Variants in HMGCLL1 observed in about 807,000 individuals in gnomAD.
HMGCLL1 encodes the protein 3-hydroxy-3-methylglutaryl-CoA lyase like 1.
A neutral mutation model predicts 39.1 loss-of-function variants in HMGCLL1; 36 were observed. The observed-to-expected ratio is 0.92, with a 90% CI of 0.71 to 1.22. The LOEUF is 1.22. Among genes scored for constraint, HMGCLL1 ranks in the 50% most tolerant of loss-of-function variants. The pLI is 0.00. For missense variants in HMGCLL1, 451 were observed against 416.5 expected, an observed-to-expected ratio of 1.08 and a Z score of -0.72; for synonymous variants, 149 against 144.0, an observed-to-expected ratio of 1.03 and a Z score of -0.25.
chr6:55,643,057 T>C, the HMGCLL1 span, among the ~76,000 whole-genome samples: 1 of 152,164 alleles, frequency 6.6e-6, no homozygotes, highest in Non-Finnish European at 1.5e-5. Context: ...GGCAGTTAGG[T>C]TGTTTCCATT....
intron 7 of HMGCLL1, among the ~76,000 whole-genome samples, chr6:55,453,494 G>C (rs4418184): frequency 0.99 from 151,341 of 152,328 alleles, 75,193 homozygotes; most frequent in Middle Eastern, 1. Flanking sequence ...TATTGTAGGG[G>C]CTTTTGGGAT....
At chr6:55,505,266 TATA>T (rs1042152679) in intron 5 of HMGCLL1, among the ~76,000 whole-genome samples, 1 of 151,592 alleles carries the variant, frequency 6.6e-6, no homozygotes, top group African/African-American at 2.4e-5. Context: ...AAACAAAAAG[TATA>T]AGTAAAAGTC....
Position 55,528,507 on chromosome 6 carries a change from T to C in HMGCLL1, c.298-11904A>G, listed in dbSNP as rs1016302841. 2.7e-4 allele frequency among the ~76,000 whole-genome samples: 41 copies of C among 152,128 alleles called. 1 individual carries two copies. Among genetic ancestry groups the C allele is most frequent in the African/African-American group, 9.6e-4 (40 of 41,534 alleles). On this transcript the variant is annotated intron_variant, in intron 3 of 8. Coordinates refer to ENST00000274901, the MANE Select transcript of HMGCLL1 (RefSeq NM_001042406.2). ...TAACCCTGTCTCATTCACAGACTCCTTGCACAAACCCCATATATCTTAGCC... is the reference window on the plus strand; with the variant it reads ...TAACCCTGTCTCATTCACAGACTCCCTGCACAAACCCCATATATCTTAGCC...
upstream of HMGCLL1, among the ~76,000 whole-genome samples, chr6:55,583,024 A>G (rs892420031): frequency 2.0e-5 from 3 of 152,076 alleles, no homozygotes; most frequent in Non-Finnish European, 4.4e-5. Context: ...TAATTTGCCA[A>G]AACAGCATGA....
At chr6:55,571,103 A>C (rs996996152) in intron 1 of HMGCLL1, among the ~76,000 whole-genome samples, 2 of 152,212 alleles carry the variant, frequency 1.3e-5, no homozygotes, top group African/African-American at 4.8e-5. Context: ...GCTACAATTC[A>C]AGTGAGATTT....
the HMGCLL1 span, among the ~76,000 whole-genome samples, chr6:55,653,680 C>A: frequency 5.3e-5 from 8 of 151,924 alleles, no homozygotes; most frequent in Non-Finnish European, 1.0e-4. Context: ...ACAGGCAGAG[C>A]CCTTAAGGTA....
At chr6:55,473,223 G>A (rs1162174284) in intron 7 of HMGCLL1, among the ~76,000 whole-genome samples, 2 of 151,212 alleles carry the variant, frequency 1.3e-5, no homozygotes, top group African/African-American at 4.8e-5. Flanking sequence ...TTCAAATTTA[G>A]ACCATTCACA....
At chr6:55,661,802 G>A in the HMGCLL1 span, among the ~76,000 whole-genome samples, 1 of 151,830 alleles carries the variant, frequency 6.6e-6, no homozygotes, top group Non-Finnish European at 1.5e-5. Context: ...AATTGCTTTA[G>A]GCAGTATTGC....
intron 7 of HMGCLL1, among the ~76,000 whole-genome samples, chr6:55,473,535 C>A (rs1369444631): frequency 6.6e-6 from 1 of 151,410 alleles, no homozygotes; most frequent in Non-Finnish European, 1.5e-5. Context: ...TCATTCCTCC[C>A]ATATTTTATA....
the HMGCLL1 span, among the ~76,000 whole-genome samples, chr6:55,621,710 CA>C: frequency 6.6e-6 from 1 of 152,108 alleles, no homozygotes; most frequent in East Asian, 1.9e-4. Context: ...ATAATAATAA[CA>C]GAAATAAAGT....
At chr6:55,524,924 T>A (rs1466079231) in intron 3 of HMGCLL1, among the ~76,000 whole-genome samples, 1 of 150,772 alleles carries the variant, frequency 6.6e-6, no homozygotes, top group Admixed American at 6.6e-5. Context: ...ACAGCATGGG[T>A]TTTTGAGTAG....
At chr6:55,558,285 A>G (rs1382590288) in intron 1 of HMGCLL1, among the ~76,000 whole-genome samples, 1 of 152,216 alleles carries the variant, frequency 6.6e-6, no homozygotes, top group Non-Finnish European at 1.5e-5. Flanking sequence ...AATGAGGGCC[A>G]TTAAATACTT....
chr6:55,634,728 T>C, the HMGCLL1 span, among the ~76,000 whole-genome samples: 1 of 152,162 alleles, frequency 6.6e-6, no homozygotes, highest in African/African-American at 2.4e-5. Flanking sequence ...CACCCATATT[T>C]GGTCCGTTAT....
At chr6:55,623,976 GC>G in the HMGCLL1 span, among the ~76,000 whole-genome samples, 2 of 151,980 alleles carry the variant, frequency 1.3e-5, no homozygotes, top group Non-Finnish European at 2.9e-5. Context: ...ACCTCCATTA[GC>G]CCCTACTTTA....
the HMGCLL1 span, among the ~76,000 whole-genome samples, chr6:55,633,342 AGTTATTAGTT>A: frequency 1.3e-5 from 2 of 151,878 alleles, no homozygotes; most frequent in South Asian, 4.1e-4. Flanking sequence ...TGGTTGGGCT[AGTTATTAGTT>A]GTTCATGGAA....
chr6:55,513,993 G>C, intron 5 of HMGCLL1, 55 bp downstream of exon 5: 5 of 1,480,286 alleles, frequency 3.4e-6, no homozygotes, highest in Non-Finnish European at 4.6e-6. Flanking sequence ...TAATTTTTGA[G>C]TAAGCTTTAA....
In HMGCLL1 at chr6:55,543,682, C is replaced by T. The variant is rs550029509; in HGVS notation, c.109-1542G>A. Among the ~76,000 whole-genome samples the T allele has an allele frequency of 1.6e-4, 24 of 148,526 alleles. No homozygotes were observed. In the South Asian group the frequency reaches 1.9e-3, roughly 12 times the overall value. ...CAGCCAGGGCAACATAGTGAAACCTCATCTCTCTTAAAAAAAACAAAAAAT... is the reference window on the plus strand; with the variant it reads ...CAGCCAGGGCAACATAGTGAAACCTTATCTCTCTTAAAAAAAACAAAAAAT... On this transcript the variant is annotated intron_variant, in intron 1 of 8. Transcript: ENST00000274901.
At chr6:55,548,158 AGG>A (rs1770103153) in intron 1 of HMGCLL1, among the ~76,000 whole-genome samples, 2 of 152,086 alleles carry the variant, frequency 1.3e-5, no homozygotes, top group African/African-American at 4.8e-5. Flanking sequence ...CAAAAAGTAA[AGG>A]AAGGTATCTG....
chr6:55,537,188 C>G (rs562920095), intron 3 of HMGCLL1, among the ~76,000 whole-genome samples: 1 of 152,096 alleles, frequency 6.6e-6, no homozygotes, highest in African/African-American at 2.4e-5. Flanking sequence ...AATCTAAAAT[C>G]AAATTGGAAA....
Sources: allele counts gnomAD v4.1 joint callset (sites outside exome capture counted in the v4.1 genomes callset), GRCh38; gene constraint gnomAD v4.1.1; transcripts MANE v1.5; gene names NCBI Gene and HGNC (gene_info 2026-07-23, HGNC 2026-07-21).